The following RAP1A variants were observed in gnomAD, a reference collection of about 807,000 sequenced individuals.
RAP1A encodes RAP1A, member of RAS oncogene family, also known as ras-related protein Rap-1A.
A neutral mutation model predicts 26.4 loss-of-function variants in RAP1A; 6 were observed. The ratio of observed to expected loss-of-function variants is 0.23; its 90% CI spans 0.12 to 0.45. RAP1A has a LOEUF of 0.45. Among genes scored for constraint, RAP1A ranks in the 20% least tolerant of loss-of-function variants. RAP1A has a pLI of 0.99. For synonymous variants in RAP1A, 73 were observed against 79.4 expected, an observed-to-expected ratio of 0.92 and a Z score of 0.43; for missense variants, 121 against 217.2, an observed-to-expected ratio of 0.56 and a Z score of 2.78.
At chr1:111,656,480 C>CA (rs1660463709) in intron 1 of RAP1A, among the ~76,000 whole-genome samples, 1 of 152,106 alleles carries the variant, frequency 6.6e-6, no homozygotes, top group East Asian at 1.9e-4. Flanking sequence ...GCAAACTCCT[C>CA]AAAAAAATTG....
intron 1 of RAP1A, chr1:111,648,601 C>G: frequency 1.9e-6 from 1 of 527,732 alleles, no homozygotes; most frequent in Non-Finnish European, 3.6e-6. Flanking sequence ...TAGAGGGCCT[C>G]CACCTCCCTC....
intron 1 of RAP1A, among the ~76,000 whole-genome samples, chr1:111,665,212 AAAAC>A (rs992634123): frequency 4.0e-4 from 61 of 152,348 alleles, no homozygotes; most frequent in African/African-American, 1.4e-3. Context: ...AATAGTTTGA[AAAAC>A]AAAGATATCA....
Position 111,695,386 on chromosome 1 carries a change from A to G in RAP1A, c.103A>G (p.Thr35Ala), listed in dbSNP as rs1661796679. The change falls in exon 3 of 8, where the codon ACG becomes GCG. Residue 35 changes from threonine to alanine, a missense_variant. Thr to Ala is a moderately conservative substitution (Grantham distance 58). Transcript: ENST00000369709. ...QGIFVEKYDP[T>A]IEDSYRKQVE... ...AATTTTTGTTGAAAAATATGACCCAACGATAGAAGATTCCTACAGAAAGGT... is the reference window on the plus strand; with the variant it reads ...AATTTTTGTTGAAAAATATGACCCAGCGATAGAAGATTCCTACAGAAAGGT... 3 of 1,570,706 alleles carry G rather than the reference A, an allele frequency of 1.9e-6. No individual in the cohort carries two copies. The highest frequency in any genetic ancestry group is 2.6e-6 in the Non-Finnish European group (3 of 1,164,140).
At chr1:111,584,127 C>A (rs1658317314) in intron 1 of RAP1A, among the ~76,000 whole-genome samples, 1 of 151,910 alleles carries the variant, frequency 6.6e-6, no homozygotes, top group Non-Finnish European at 1.5e-5. Flanking sequence ...GGTGATCCAC[C>A]CGCCTCGGCC....
chr1:111,692,305 AT>A (rs922372376), intron 2 of RAP1A, among the ~76,000 whole-genome samples: 54 of 152,280 alleles, frequency 3.5e-4, no homozygotes, highest in Non-Finnish European at 6.2e-4. Flanking sequence ...GTCATGTCAA[AT>A]TTTATGTTTG....
At chr1:111,598,168 A>G (rs1006576854) in intron 1 of RAP1A, among the ~76,000 whole-genome samples, 13 of 152,190 alleles carry the variant, frequency 8.5e-5, no homozygotes, top group Non-Finnish European at 1.6e-4. Context: ...TATACCATAC[A>G]TAAGATGTTT....
chr1:111,664,831 A>T (rs1014810142), intron 1 of RAP1A, among the ~76,000 whole-genome samples: 1 of 152,184 alleles, frequency 6.6e-6, no homozygotes, highest in East Asian at 1.9e-4. Flanking sequence ...CTGCCTTGTA[A>T]GCTTATTGTG....
intron 1 of RAP1A, among the ~76,000 whole-genome samples, chr1:111,667,379 T>C (rs1000244115): frequency 6.6e-6 from 1 of 152,156 alleles, no homozygotes; most frequent in African/African-American, 2.4e-5. Context: ...TATAAAGAAA[T>C]GTTTTCATCA....
intron 1 of RAP1A, among the ~76,000 whole-genome samples, chr1:111,552,485 A>G (rs1278720896): frequency 6.6e-6 from 1 of 152,200 alleles, no homozygotes; most frequent in Non-Finnish European, 1.5e-5. Flanking sequence ...GCAAATTTGT[A>G]GTTGCTTTTA....
At chr1:111,589,599 T>C (rs12139261) in intron 1 of RAP1A, among the ~76,000 whole-genome samples, 15,850 of 152,222 alleles carry the variant, frequency 0.1, 1,054 homozygotes, top group African/African-American at 0.18. Context: ...ATCTCTTTGC[T>C]CCATTTCTAC....
intron 1 of RAP1A, among the ~76,000 whole-genome samples, chr1:111,658,041 G>A (rs1282342073): frequency 2.6e-5 from 4 of 151,966 alleles, no homozygotes; most frequent in Non-Finnish European, 4.4e-5. Flanking sequence ...TTAGAATATG[G>A]TCTATCTTGG....
At chr1:111,625,783 TTTTTTC>T (rs1229668494) in intron 1 of RAP1A, among the ~76,000 whole-genome samples, 4 of 152,152 alleles carry the variant, frequency 2.6e-5, no homozygotes, top group African/African-American at 7.2e-5. Context: ...CTTCCTCTTC[TTTTTTC>T]TTTTTCTTTT....
Position 111,581,278 on chromosome 1 carries a change from T to C in RAP1A, c.-28+38769T>C, listed in dbSNP as rs376998087. On this transcript the variant is annotated intron_variant, in intron 1 of 7. Coordinates refer to the RAP1A transcript ENST00000356415. ...TATTTTTATGATAGAAAGGAGCCAA[T>C]AGTGGCTAAACATGAAGACTGGAGA... Among the ~76,000 whole-genome samples, 43 of 152,228 alleles carry C rather than the reference T, an allele frequency of 2.8e-4. 2 individuals are homozygous for C. In the East Asian group the frequency reaches 4.1e-3, roughly 14 times the overall value.
chr1:111,656,824 G>GT (rs776988739), intron 1 of RAP1A, among the ~76,000 whole-genome samples: 2 of 150,572 alleles, frequency 1.3e-5, no homozygotes, highest in Non-Finnish European at 3.0e-5. Flanking sequence ...GAATTGTGTT[G>GT]TATTTTTTTA....
chr1:111,702,134 T>A (rs1201389571), intron 4 of RAP1A, among the ~76,000 whole-genome samples: 1 of 152,148 alleles, frequency 6.6e-6, no homozygotes, highest in African/African-American at 2.4e-5. Flanking sequence ...ATAGAGGTAG[T>A]GGTCATGGGG....
intron 1 of RAP1A, among the ~76,000 whole-genome samples, chr1:111,665,693 A>G (rs74109849): frequency 0.045 from 6,896 of 152,274 alleles, 333 homozygotes; most frequent in African/African-American, 0.12. Flanking sequence ...AAAACAGGAT[A>G]TGCATTCACT....
intron 1 of RAP1A, among the ~76,000 whole-genome samples, chr1:111,646,872 AT>A (rs1201494174): frequency 6.6e-6 from 1 of 152,142 alleles, no homozygotes; most frequent in Non-Finnish European, 1.5e-5. Flanking sequence ...GAACTAGTTG[AT>A]TTATTTTTTC....
intron 1 of RAP1A, among the ~76,000 whole-genome samples, chr1:111,545,988 C>T (rs182723967): frequency 6.6e-6 from 1 of 152,252 alleles, no homozygotes; most frequent in African/African-American, 2.4e-5. Flanking sequence ...TATGTCTAGC[C>T]TTATGCGAGT....
At chr1:111,708,768 T>C (rs1662278830) in intron 6 of RAP1A, among the ~76,000 whole-genome samples, 1 of 152,212 alleles carries the variant, frequency 6.6e-6, no homozygotes, top group African/African-American at 2.4e-5. Context: ...TGTGTGTGTG[T>C]GCACGTGTGT....
Sources: gnomAD v4.1 joint callset for allele counts (sites outside exome capture counted in the v4.1 genomes callset) on GRCh38, gnomAD v4.1.1 for gene constraint, MANE v1.5 for transcripts, NCBI Gene and HGNC (gene_info 2026-07-23, HGNC 2026-07-21) for gene names.